Variants in PYGL observed in about 807,000 individuals in gnomAD.
PYGL encodes glycogen phosphorylase, liver form.
PYGL carries 90 observed loss-of-function variants against 100.1 expected under a neutral mutation model. The ratio of observed to expected loss-of-function variants is 0.90; its 90% CI spans 0.76 to 1.07. The LOEUF is 1.07. PYGL is among the 50% of genes least tolerant of loss of function. The probability of loss-of-function intolerance (pLI) is 0.00; values close to 1 mark genes in which losing one functional copy is unlikely to be tolerated. For synonymous variants in PYGL, 373 were observed against 393.0 expected (o/e 0.95, Z 0.60); for missense variants, 1,016 against 1,057.6 (o/e 0.96, Z 0.55).
chr14:50,905,804 C>T (rs2050329425), intron 19 of PYGL, among the ~76,000 whole-genome samples: 1 of 152,220 alleles, frequency 6.6e-6, no homozygotes, highest in Non-Finnish European at 1.5e-5. Context: ...CATGGATGTA[C>T]ATTGCCTAGT....
intron 18 of PYGL, 138 bp downstream of exon 18, chr14:50,908,683 T>A (rs1485650334): frequency 8.0e-7 from 1 of 1,254,072 alleles, no homozygotes; most frequent in Non-Finnish European, 1.1e-6. Flanking sequence ...CGCTAATCTA[T>A]GCTAATCTAC....
At chr14:50,935,070 C>T (rs538733037) in intron 3 of PYGL, 37 bp downstream of exon 3, 32 of 1,556,490 alleles carry the variant, frequency 2.1e-5, no homozygotes, top group African/African-American at 4.1e-5. Flanking sequence ...TGTCTTCAAT[C>T]GGCCAGACAA....
intron 13 of PYGL, 144 bp downstream of exon 13, chr14:50,912,885 C>T (rs918818691): frequency 2.0e-5 from 14 of 696,738 alleles, no homozygotes; most frequent in South Asian, 8.0e-5. Context: ...ACCTGGGAGG[C>T]GGAGGTTGCA....
intron 1 of PYGL, among the ~76,000 whole-genome samples, chr14:50,938,432 G>C (rs922141171): frequency 1.3e-5 from 2 of 152,064 alleles, no homozygotes; most frequent in African/African-American, 4.8e-5. Flanking sequence ...GGCTGGTCTC[G>C]AACTCCTGAC....
chr14:50,935,419 C>T (rs1161535397), intron 2 of PYGL, among the ~76,000 whole-genome samples: 2 of 152,202 alleles, frequency 1.3e-5, no homozygotes, highest in Non-Finnish European at 2.9e-5. Flanking sequence ...CCATTATTGA[C>T]TCTGTTACTT....
intron 2 of PYGL, among the ~76,000 whole-genome samples, chr14:50,935,407 G>C (rs2050646114): frequency 6.6e-6 from 1 of 152,196 alleles, no homozygotes; most frequent in South Asian, 2.1e-4. Context: ...AGCTCTAAAA[G>C]TCCATTATTG....
intron 19 of PYGL, 28 bp from the exon 20 acceptor site, chr14:50,905,584 C>T: frequency 6.2e-7 from 1 of 1,610,890 alleles, no homozygotes; most frequent in Non-Finnish European, 8.5e-7. Flanking sequence ...ATATACAGCC[C>T]AGAGTCCCAG....
intron 3 of PYGL, among the ~76,000 whole-genome samples, chr14:50,933,136 G>A (rs1004506493): frequency 5.3e-5 from 8 of 152,174 alleles, no homozygotes; most frequent in Non-Finnish European, 8.8e-5. Context: ...CTCAAGGAGC[G>A]ATGTCATGAA....
At chr14:50,920,917 G>T in intron 6 of PYGL, 39 bp downstream of exon 6, 1 of 1,548,066 alleles carries the variant, frequency 6.5e-7, no homozygotes, top group Non-Finnish European at 8.9e-7. Flanking sequence ...AAAAGATTAA[G>T]CACACGCATA....
At chr14:50,929,869 T>C (rs1472249378) in intron 4 of PYGL, among the ~76,000 whole-genome samples, 1 of 152,230 alleles carries the variant, frequency 6.6e-6, no homozygotes, top group African/African-American at 2.4e-5. Context: ...ATCTAAAACA[T>C]GTAGAAGAGT....
chr14:50,915,167 CCTTTTCTTTT>C, intron 11 of PYGL, 159 bp downstream of exon 11: 10 of 902,034 alleles, frequency 1.1e-5, no homozygotes, highest in South Asian at 1.6e-5. Context: ...TCTTTTCTTT[CCTTTTCTTTT>C]CTTTTTTTTT....
At chr14:50,919,332 C>A (rs1314516055) in intron 7 of PYGL, among the ~76,000 whole-genome samples, 1 of 152,128 alleles carries the variant, frequency 6.6e-6, no homozygotes, top group African/African-American at 2.4e-5. Flanking sequence ...TGTACTGAAG[C>A]CACAATGTTT....
chr14:50,930,951 A>C (rs1026446562), intron 4 of PYGL, among the ~76,000 whole-genome samples: 1 of 152,182 alleles, frequency 6.6e-6, no homozygotes, highest in Non-Finnish European at 1.5e-5. Context: ...AGTACCTAAC[A>C]ATCTGGTTTG....
At chr14:50,917,282 G>C (rs2050461998) in intron 7 of PYGL, among the ~76,000 whole-genome samples, 177 bp from the exon 8 acceptor site, 1 of 152,128 alleles carries the variant, frequency 6.6e-6, no homozygotes. Context: ...CATGAAAATG[G>C]CAGTGAAAGG....
Position 50,940,585 on chromosome 14 carries a change from A to C in PYGL, c.244-2748T>G, listed in dbSNP as rs8005878. ...AACTTCTTAGAGGTAATCTCTCCTT[A>C]TATTTGGGAATATATAAGACTTCAA... On this transcript the variant is annotated intron_variant, in intron 1 of 19. Transcript: ENST00000216392. Among the ~76,000 whole-genome samples the C allele has an allele frequency of 3.7e-3, 560 of 152,294 alleles. 6 individuals carry two copies. Among genetic ancestry groups the C allele is most frequent in the African/African-American group, 0.012 (485 of 41,558 alleles).
At chr14:50,936,873 G>A (rs1243866625) in intron 2 of PYGL, among the ~76,000 whole-genome samples, 1 of 152,172 alleles carries the variant, frequency 6.6e-6, no homozygotes, top group Non-Finnish European at 1.5e-5. Flanking sequence ...CTACTCCAAG[G>A]GAGAGATGTT....
chr14:50,934,157 T>C (rs778932090), intron 3 of PYGL, among the ~76,000 whole-genome samples: 8 of 152,184 alleles, frequency 5.3e-5, no homozygotes, highest in Non-Finnish European at 7.3e-5. Flanking sequence ...ATATATTTGA[T>C]GAAAAATTAT....
Position 50,924,089 on chromosome 14 carries a change from T to C in PYGL, c.540A>G (p.Ala180=). The change falls in exon 5 of 20, where the codon GCA becomes GCG. Residue 180 remains alanine (A), a synonymous_variant. Coordinates refer to ENST00000216392, the MANE Select transcript of PYGL (RefSeq NM_002863.5). ...KIRDGWQVEE[A]DDWLRYGNPW... is the part of the protein sequence containing the mutation. ...GGTTTCCATATCTGAGCCAATCATC[T>C]GCTTCTTCTACCTGCAAAAGGATAC... is the stretch of plus-strand genomic sequence containing the variant. 1 of 1,613,832 alleles carries C rather than the reference T, an allele frequency of 6.2e-7. No individual in the cohort carries two copies. The highest frequency in any genetic ancestry group is 1.1e-5 in the South Asian group (1 of 91,084).
chr14:50,915,141 T>G lies in PYGL; in HGVS notation c.1403+195A>C, dbSNP rs537091418. The G allele has an allele frequency of 3.4e-5, 25 of 742,352 alleles. No individual in the cohort carries two copies. In the South Asian group the frequency reaches 4.3e-4, roughly 13 times the overall value. 46.0% of individuals were successfully genotyped at this position (742,352 alleles called of 1,614,324 possible). On this transcript the variant is annotated intron_variant, in intron 11 of 19. Coordinates refer to ENST00000216392, the MANE Select transcript of PYGL (RefSeq NM_002863.5). ...CTCCTATGTCTAGAATTAAGATGGC[T>G]CTGAGAGGAAAGCATTCTTTTCTTT...
Sources: gnomAD v4.1 joint callset for allele counts (sites outside exome capture counted in the v4.1 genomes callset) on GRCh38, gnomAD v4.1.1 for gene constraint, MANE v1.5 for transcripts, NCBI Gene and HGNC (gene_info 2026-07-23, HGNC 2026-07-21) for gene names.